ATAD3A: variants seen among roughly 807,000 people sequenced by gnomAD.
The protein encoded by ATAD3A is ATPase family AAA domain-containing protein 3A.
ATAD3A carries 46 observed loss-of-function variants against 73.8 expected under a neutral mutation model. The observed-to-expected ratio is 0.62, with a 90% CI of 0.49 to 0.80. The LOEUF (loss-of-function observed/expected upper bound fraction) is 0.80, where lower values mean the gene tolerates loss of function less well. Ranked by LOEUF, ATAD3A falls within the 30% of genes least tolerant of loss-of-function variation. The pLI is 0.00. For synonymous variants in ATAD3A, 319 were observed against 350.0 expected (o/e 0.91, Z 0.99); for missense variants, 705 against 838.0 (o/e 0.84, Z 1.96).
intron 15 of ATAD3A, among the ~76,000 whole-genome samples, chr1:1,533,195 C>T (rs1038719466): frequency 1.3e-5 from 2 of 152,214 alleles, no homozygotes; most frequent in Non-Finnish European, 2.9e-5. Context: ...GTCCCCTGCC[C>T]TGTGCTTCCT....
chr1:1,531,248 A>T (rs1377527781), intron 15 of ATAD3A, among the ~76,000 whole-genome samples: 1 of 152,040 alleles, frequency 6.6e-6, no homozygotes, highest in African/African-American at 2.4e-5. Flanking sequence ...AGGTCAAGAG[A>T]TGGAGACCAT....
At position 1,534,450 on chromosome 1, in the gene ATAD3A, C is replaced by G; in HGVS notation, c.*378C>G. 1 of 1,210,808 alleles carries G rather than the reference C, an allele frequency of 8.3e-7. No homozygotes were observed. Among genetic ancestry groups the G allele is most frequent in the African/African-American group, 1.5e-5 (1 of 64,788 alleles). The allele number at this position is 1,210,808 out of a possible 1,614,324, so 75.0% of individuals were successfully genotyped here. ...GCAGGTGATGTCTTTGTTCTCGGCT[C>G]CCACAGCAGAGCCAGGTGAGGGGGC... On this transcript the variant is annotated 3_prime_UTR_variant, in exon 16 of 16. Transcript: ENST00000378756.
In ATAD3A at chr1:1,525,186, G is replaced by A. The variant is rs1316661316; in HGVS notation, c.1215-54G>A. On this transcript the variant is annotated intron_variant, in intron 11 of 15. Coordinates refer to ENST00000378756, the MANE Select transcript of ATAD3A (RefSeq NM_001170535.3). Reference sequence around the variant, plus strand: ...GCTCCTGCCGCGGCCGGACGCTGCTGTGGGCTGCTCCTGGTGTCACTCTCG... The same window carrying A: ...GCTCCTGCCGCGGCCGGACGCTGCTATGGGCTGCTCCTGGTGTCACTCTCG... 4 of 1,611,440 alleles carry A rather than the reference G, an allele frequency of 2.5e-6. No homozygotes were observed. The East Asian group carries it at 6.7e-5, about 27-fold the overall frequency.
chr1:1,527,247 C>T, intron 13 of ATAD3A: 1 of 1,291,344 alleles, frequency 7.7e-7, no homozygotes, highest in Non-Finnish European at 1.0e-6. Flanking sequence ...AGGTCAGCTG[C>T]TGCCGGTGGA....
Position 1,525,826 on chromosome 1 carries a change from C to T in ATAD3A, c.1266+535C>T, listed in dbSNP as rs772192642. On this transcript the variant is annotated intron_variant, in intron 12 of 15. Coordinates refer to ENST00000378756, the MANE Select transcript of ATAD3A (RefSeq NM_001170535.3). ...GCTCAAGCAATCCTCCTGCCTCAGC[C>T]GCCTGAGTAGCTGGGACTGCAGGGG... Among the ~76,000 whole-genome samples, 4 of 152,138 alleles carry T rather than the reference C, an allele frequency of 2.6e-5. No individual in the cohort carries two copies. In the South Asian group the frequency reaches 6.2e-4, roughly 24 times the overall value.
intron 15 of ATAD3A, among the ~76,000 whole-genome samples, chr1:1,531,642 G>T (rs1191578699): frequency 1.3e-5 from 2 of 150,972 alleles, no homozygotes; most frequent in Non-Finnish European, 3.0e-5. Context: ...GCCAGATGTG[G>T]TGGCGGGTGC....
In ATAD3A at chr1:1,520,617, G is replaced by A. The variant is rs371490361; in HGVS notation, c.750G>A (p.Thr250=). The change falls in exon 7 of 16, where the codon ACG becomes ACA. Residue 250 remains threonine, a splice_region_variant and synonymous_variant. Coordinates refer to ENST00000378756, the MANE Select transcript of ATAD3A (RefSeq NM_001170535.3). This position sits in a 1 kb window ranked among gnomAD's most constrained non-coding sequence, Gnocchi z 4.0. ...FVTDWDKVTA[T]VAGLTLLAVG... ...CAGACTGGGACAAAGTGACAGCCAC[G>A]GTAAACATACTCATAAAACAGGGCT... The A allele has an allele frequency of 6.8e-6, 11 of 1,613,306 alleles. No individual in the cohort carries two copies. The highest frequency in any genetic ancestry group is 6.7e-5 in the Admixed American group (4 of 60,004).
chr1:1,521,926 A>C (rs1384390642), intron 7 of ATAD3A, among the ~76,000 whole-genome samples: 1 of 152,030 alleles, frequency 6.6e-6, no homozygotes, highest in East Asian at 1.9e-4. Flanking sequence ...ATGGGTTTTC[A>C]CCATGTTGGC....
chr1:1,520,306 G>C lies in ATAD3A; in HGVS notation c.680G>C (p.Arg227Thr), dbSNP rs375166649. 1.2e-5 allele frequency: 19 copies of C among 1,611,658 alleles called. No individual in the cohort carries two copies. The highest frequency in any genetic ancestry group is 1.6e-5 in the Non-Finnish European group (19 of 1,178,626). The change falls in exon 6 of 16, where the codon AGG becomes ACG. Residue 227 changes from arginine (R) to threonine (T), a missense_variant and splice_region_variant. By Grantham distance (71) the Arg-to-Thr change is moderately conservative. Around this residue, in one of 5 missense-constraint regions of ATAD3A, gnomAD observed 315 missense variants for 334.1 expected, o/e 0.94. Transcript: ENST00000378756. This position sits in a 1 kb window ranked among gnomAD's most constrained non-coding sequence, Gnocchi z 4.0. ...EHRQTVLESI[R>T]TAGTLFGEGF... ...CGTCAGACCGTCTTGGAGTCCATCA[G>C]GTGAGCACTGCCGAGGCCCGGGCCG...
chr1:1,530,911 G>A (rs1216732550), intron 15 of ATAD3A, among the ~76,000 whole-genome samples: 1 of 151,798 alleles, frequency 6.6e-6, no homozygotes, highest in Non-Finnish European at 1.5e-5. Flanking sequence ...CAGCACGTTG[G>A]GAGGCTGAAG....
intron 15 of ATAD3A, among the ~76,000 whole-genome samples, chr1:1,529,918 G>C (rs1641979563): frequency 6.6e-6 from 1 of 152,200 alleles, no homozygotes. Flanking sequence ...GGGGTTGCTG[G>C]AAAAGCAAAA....
chr1:1,522,957 C>T (rs547784999), intron 8 of ATAD3A, 58 bp downstream of exon 8: 21 of 1,584,198 alleles, frequency 1.3e-5, no homozygotes, highest in East Asian at 2.3e-5. Context: ...CCCTTCTGCC[C>T]CACGAGCACA....
intron 11 of ATAD3A, 63 bp from the exon 12 acceptor site, chr1:1,525,177 G>T: frequency 6.2e-7 from 1 of 1,609,330 alleles, no homozygotes; most frequent in South Asian, 1.1e-5. Context: ...GCCGCGGCCG[G>T]ACGCTGCTGT....
chr1:1,518,670 C>T (rs1641471789), intron 4 of ATAD3A, among the ~76,000 whole-genome samples: 2 of 80,996 alleles, frequency 2.5e-5, no homozygotes, highest in South Asian at 1.0e-3. Context: ...CACGGGTACA[C>T]ACACACACAC....
chr1:1,528,513 G>C (rs112624192), intron 14 of ATAD3A, among the ~76,000 whole-genome samples: 4,452 of 152,364 alleles, frequency 0.029, 75 homozygotes, highest in Admixed American at 0.038. Flanking sequence ...TCGTGGTGTG[G>C]GGCACGGCTC....
At chr1:1,515,326 C>T (rs1641321483) in intron 1 of ATAD3A, among the ~76,000 whole-genome samples, 1 of 152,210 alleles carries the variant, frequency 6.6e-6, no homozygotes, top group Non-Finnish European at 1.5e-5. Context: ...ATCCACCCGT[C>T]TCAGCCTCTC....
At chr1:1,525,437 A>C (rs1001007647) in intron 12 of ATAD3A, 146 bp downstream of exon 12, 1 of 1,060,214 alleles carries the variant, frequency 9.4e-7, no homozygotes, top group Admixed American at 2.8e-5. Context: ...TTTTTTGAGA[A>C]GAAATCTCGC....
chr1:1,512,516 C>G (rs1259442034), intron 1 of ATAD3A, 43 bp downstream of exon 1: 24 of 1,199,296 alleles, frequency 2.0e-5, no homozygotes, highest in Non-Finnish European at 2.5e-5. Context: ...GCGGGCGGGA[C>G]GGGCCGGGGA....
At position 1,512,245 on chromosome 1, in the gene ATAD3A, G is replaced by C; in HGVS notation, c.-24G>C. The stretch of plus-strand genomic sequence containing the variant: ...AGACTCGGGTGGGGGTCCCGGCGGC[G>C]GTAGCGGCGGCGGCGGTGCGAGCAT... On this transcript the variant is annotated 5_prime_UTR_variant, in exon 1 of 16. Coordinates refer to ENST00000378756, the MANE Select transcript of ATAD3A (RefSeq NM_001170535.3). The C allele has an allele frequency of 7.8e-7, 1 of 1,276,666 alleles. No homozygotes were observed. The highest frequency in any genetic ancestry group is 9.9e-7 in the Non-Finnish European group (1 of 1,006,784). The allele number at this position is 1,276,666 out of a possible 1,614,324, so 79.1% of individuals were successfully genotyped here.
Sources: gnomAD v4.1 joint callset for allele counts (sites outside exome capture counted in the v4.1 genomes callset) on GRCh38, gnomAD v4.1.1 for gene constraint, gnomAD v4.1.1 regional missense constraint, Gnocchi (gnomAD v3.1) non-coding constraint, MANE v1.5 for transcripts, NCBI Gene and HGNC (gene_info 2026-07-23, HGNC 2026-07-21) for gene names.